SGMS1: variants seen among roughly 807,000 people sequenced by gnomAD.
The protein encoded by SGMS1 is sphingomyelin synthase 1.
In SGMS1, 13 loss-of-function variants were observed where a neutral mutation model predicts 46.2. That is an observed-to-expected ratio of 0.28 (90% CI 0.18 to 0.45). The LOEUF (loss-of-function observed/expected upper bound fraction) is 0.45, where lower values mean the gene tolerates loss of function less well. Among genes scored for constraint, SGMS1 ranks in the 20% least tolerant of loss-of-function variants. The pLI, the probability that SGMS1 is intolerant of heterozygous loss-of-function variation, is 1.00. For missense variants in SGMS1, 324 were observed against 519.9 expected, an observed-to-expected ratio of 0.62 and a Z score of 3.66; for synonymous variants, 203 against 187.8, an observed-to-expected ratio of 1.08 and a Z score of -0.66.
At chr10:50,535,944 C>T (rs1837996970) in intron 2 of SGMS1, among the ~76,000 whole-genome samples, 1 of 152,136 alleles carries the variant, frequency 6.6e-6, no homozygotes, top group South Asian at 2.1e-4. Context: ...TATTAGATTT[C>T]ATTTTTATAC....
At chr10:50,606,731 T>C (rs542246734) in intron 1 of SGMS1, among the ~76,000 whole-genome samples, 9 of 152,300 alleles carry the variant, frequency 5.9e-5, no homozygotes, top group South Asian at 2.1e-4. Flanking sequence ...AATGATTGCA[T>C]CACCGTGTAA....
At chr10:50,354,623 G>A (rs1848102578) in intron 6 of SGMS1, among the ~76,000 whole-genome samples, 1 of 152,122 alleles carries the variant, frequency 6.6e-6, no homozygotes, top group East Asian at 1.9e-4. Flanking sequence ...CTTCTGCACA[G>A]CAAAAGAAAC....
chr10:50,539,943 G>T lies in SGMS1; in HGVS notation c.-588-20022C>A, dbSNP rs141265199. 3.5e-4 allele frequency among the ~76,000 whole-genome samples: 53 copies of T among 152,256 alleles called. 1 individual carries two copies. The highest frequency in any genetic ancestry group is 6.5e-4 in the Non-Finnish European group (44 of 68,010). On this transcript the variant is annotated intron_variant, in intron 2 of 10. Coordinates refer to ENST00000361781, the MANE Select transcript of SGMS1 (RefSeq NM_147156.4). ...ATGTGTATATAAAATTTACATTTTAGTCTGCATAAGAGAGTGGCTAAACAG... is the reference window on the plus strand; with the variant it reads ...ATGTGTATATAAAATTTACATTTTATTCTGCATAAGAGAGTGGCTAAACAG...
intron 5 of SGMS1, among the ~76,000 whole-genome samples, chr10:50,436,246 A>G (rs1381501231): frequency 3.3e-5 from 5 of 152,128 alleles, no homozygotes; most frequent in Non-Finnish European, 5.9e-5. Context: ...CTGGGACTAC[A>G]GGTGCCCGCC....
At chr10:50,623,373 C>A (rs1453623801) in intron 1 of SGMS1, among the ~76,000 whole-genome samples, 14 of 152,254 alleles carry the variant, frequency 9.2e-5, no homozygotes, top group Middle Eastern at 3.4e-3. Context: ...AGGCAGCCTT[C>A]CAGCCCGCAC....
chr10:50,615,631 C>T (rs1838789714), intron 1 of SGMS1, among the ~76,000 whole-genome samples: 1 of 152,206 alleles, frequency 6.6e-6, no homozygotes, highest in African/African-American at 2.4e-5. Context: ...CTATTTATCA[C>T]CAATCCCACA....
chr10:50,472,693 A>G (rs1315770647), intron 3 of SGMS1: 1 of 152,150 alleles, frequency 6.6e-6, no homozygotes, highest in Admixed American at 6.5e-5. Flanking sequence ...ACATTTTTAG[A>G]AGTGAGATTA....
At chr10:50,386,520 A>G (rs987275104) in intron 6 of SGMS1, among the ~76,000 whole-genome samples, 1 of 152,142 alleles carries the variant, frequency 6.6e-6, no homozygotes, top group Non-Finnish European at 1.5e-5. Flanking sequence ...TGTCCTCTCA[A>G]TGCCTAAGTG....
chr10:50,466,462 T>A (rs928091059), intron 4 of SGMS1, among the ~76,000 whole-genome samples: 1 of 152,178 alleles, frequency 6.6e-6, no homozygotes, highest in Non-Finnish European at 1.5e-5. Flanking sequence ...TGCAAATGAT[T>A]ACTTGTGGCT....
intron 6 of SGMS1, among the ~76,000 whole-genome samples, chr10:50,379,016 T>C (rs1360537452): frequency 1.3e-5 from 2 of 152,074 alleles, no homozygotes; most frequent in Admixed American, 6.6e-5. Context: ...GAATAAAATA[T>C]GCCAAAAGTA....
At chr10:50,409,788 T>C (rs1342472984) in intron 6 of SGMS1, among the ~76,000 whole-genome samples, 1 of 152,144 alleles carries the variant, frequency 6.6e-6, no homozygotes, top group Non-Finnish European at 1.5e-5. Context: ...ACTCTTTCAA[T>C]ATATCAACGG....
chr10:50,351,398 T>C (rs1848010024), intron 6 of SGMS1, among the ~76,000 whole-genome samples: 1 of 152,124 alleles, frequency 6.6e-6, no homozygotes, highest in Non-Finnish European at 1.5e-5. Flanking sequence ...CTTTGGGGGA[T>C]TGTTGGGAAG....
At chr10:50,562,698 T>C (rs1331179788) in intron 2 of SGMS1, among the ~76,000 whole-genome samples, 1 of 152,078 alleles carries the variant, frequency 6.6e-6, no homozygotes, top group African/African-American at 2.4e-5. Flanking sequence ...CGCCCGCCCC[T>C]ATGCCCGGCT....
chr10:50,311,263 C>G lies in SGMS1; in HGVS notation c.894G>C (p.Glu298Asp). 1 of 1,612,892 alleles carries G rather than the reference C, an allele frequency of 6.2e-7. No homozygotes were observed. The highest frequency in any genetic ancestry group is 8.5e-7 in the Non-Finnish European group (1 of 1,179,404). Residue 298 changes from glutamate to aspartate, a missense_variant and splice_region_variant, in exon 9 of 11, where the codon GAG becomes GAC. Physicochemically the swap from Glu to Asp is conservative, Grantham distance 45 (BLOSUM62 2). Transcript: ENST00000361781. ...MLTLTYLFIK[E>D]YSPRRLWWYH... ...ACAATGGAAGTCTTTTAGACTTACA[C>G]TCTTTGATAAATAAGTAGGTAAGTG...
chr10:50,515,819 T>C (rs989211479), intron 3 of SGMS1, among the ~76,000 whole-genome samples: 1 of 152,140 alleles, frequency 6.6e-6, no homozygotes, highest in Non-Finnish European at 1.5e-5. Context: ...TTACTACCCA[T>C]TAGAATTTGC....
At chr10:50,610,462 A>G (rs1207784931) in intron 1 of SGMS1, among the ~76,000 whole-genome samples, 1 of 152,152 alleles carries the variant, frequency 6.6e-6, no homozygotes, top group Admixed American at 6.5e-5. Flanking sequence ...CCTGTGGGCC[A>G]CACATAGGGC....
intron 6 of SGMS1, among the ~76,000 whole-genome samples, chr10:50,406,461 A>T (rs1849016501): frequency 6.6e-6 from 1 of 152,092 alleles, no homozygotes; most frequent in Non-Finnish European, 1.5e-5. Flanking sequence ...GATTTTTAGT[A>T]AGTTTTGCTG....
chr10:50,482,510 T>C (rs1837486003), intron 3 of SGMS1, among the ~76,000 whole-genome samples: 1 of 152,202 alleles, frequency 6.6e-6, no homozygotes, highest in Non-Finnish European at 1.5e-5. Context: ...GAATTTGTCA[T>C]CACCAGGCCT....
chr10:50,532,107 C>T (rs888494998), intron 2 of SGMS1, among the ~76,000 whole-genome samples: 9 of 152,036 alleles, frequency 5.9e-5, no homozygotes, highest in Admixed American at 2.0e-4. Flanking sequence ...GTGTGGAGTC[C>T]GCAAGTTCTT....
Sources: allele counts gnomAD v4.1 joint callset (sites outside exome capture counted in the v4.1 genomes callset), GRCh38; gene constraint gnomAD v4.1.1; transcripts MANE v1.5; gene names NCBI Gene and HGNC (gene_info 2026-07-23, HGNC 2026-07-21).